The following RAD18 variants were observed in gnomAD, a reference collection of about 807,000 sequenced individuals.
RAD18 encodes E3 ubiquitin-protein ligase RAD18.
RAD18 carries 47 observed loss-of-function variants against 60.4 expected under a neutral mutation model. That is an observed-to-expected ratio of 0.78 (90% CI 0.62 to 0.99). The LOEUF (loss-of-function observed/expected upper bound fraction) is 0.99. Among genes scored for constraint, RAD18 ranks in the 50% least tolerant of loss-of-function variants. The probability of loss-of-function intolerance (pLI) is 0.00; values close to 1 mark genes in which losing one functional copy is unlikely to be tolerated. For synonymous variants in RAD18, 225 were observed against 195.5 expected, an observed-to-expected ratio of 1.15 and a Z score of -1.26; for missense variants, 640 against 593.3, an observed-to-expected ratio of 1.08 and a Z score of -0.82.
intron 7 of RAD18, among the ~76,000 whole-genome samples, chr3:8,920,565 AG>A (rs1400167922): frequency 3.9e-5 from 6 of 152,242 alleles, no homozygotes; most frequent in Non-Finnish European, 8.8e-5. Flanking sequence ...AGTATAAACC[AG>A]AGAGAAACTG....
intron 4 of RAD18, 135 bp from the exon 5 acceptor site, chr3:8,941,939 A>G (rs1940754558): frequency 1.3e-6 from 1 of 747,954 alleles, no homozygotes; most frequent in Non-Finnish European, 2.1e-6. Flanking sequence ...ACCAAACCAA[A>G]GTTTCTTCTA....
intron 11 of RAD18, among the ~76,000 whole-genome samples, chr3:8,890,851 C>G (rs1246719026): frequency 1.3e-5 from 2 of 152,088 alleles, no homozygotes; most frequent in African/African-American, 4.8e-5. Context: ...GCTGTTTTAA[C>G]CCAACCTTTT....
chr3:8,885,259 AT>A (rs1212852920), intron 12 of RAD18, among the ~76,000 whole-genome samples: 1 of 152,076 alleles, frequency 6.6e-6, no homozygotes, highest in Non-Finnish European at 1.5e-5. Flanking sequence ...CCTTTTATTC[AT>A]TTTTTTAAAG....
chr3:8,902,633 T>C, intron 9 of RAD18, 113 bp from the exon 10 acceptor site: 1 of 1,095,702 alleles, frequency 9.1e-7, no homozygotes, highest in Non-Finnish European at 1.3e-6. Flanking sequence ...GGCTTACGCC[T>C]GTAATCCCAG....
chr3:8,924,516 T>C (rs1410408922), intron 7 of RAD18, among the ~76,000 whole-genome samples: 1 of 141,186 alleles, frequency 7.1e-6, no homozygotes, highest in African/African-American at 2.6e-5. Context: ...GACAGAAAGT[T>C]AACAAGGATA....
chr3:8,962,168 A>G (rs1052360321), intron 1 of RAD18, among the ~76,000 whole-genome samples: 2 of 152,178 alleles, frequency 1.3e-5, no homozygotes, highest in African/African-American at 4.8e-5. Context: ...ATGAACTGTT[A>G]TTTTTGTCTC....
At position 8,941,792 on chromosome 3, in the gene RAD18, C is replaced by T; in HGVS notation, c.279G>A (p.Leu93=). ...TGGCTGGTGACTCTAAAGCAAACTG[C>T]AGCAGATGATTCCTTGAAGCACAAA... The part of the protein sequence containing the change: ...KSLNFARNHL[L]QFALESPAKS... Residue 93 remains leucine (L), a synonymous_variant, in exon 5 of 13, where the codon CTG becomes CTA. Transcript: ENST00000264926. The T allele has an allele frequency of 6.2e-7, 1 of 1,610,710 alleles. No homozygotes were observed. Among genetic ancestry groups the T allele is most frequent in the Non-Finnish European group, 8.5e-7 (1 of 1,178,004 alleles).
chr3:8,919,160 A>G (rs901536652), intron 7 of RAD18, among the ~76,000 whole-genome samples: 1 of 152,216 alleles, frequency 6.6e-6, no homozygotes, highest in Non-Finnish European at 1.5e-5. Flanking sequence ...GTAGACCAAA[A>G]TAACATTTCA....
chr3:8,882,334 C>T (rs572962320), intron 12 of RAD18, among the ~76,000 whole-genome samples: 3 of 152,298 alleles, frequency 2.0e-5, no homozygotes, highest in African/African-American at 7.2e-5. Flanking sequence ...CAAAGATTCA[C>T]TGCTGCAGGG....
chr3:8,948,368 G>A, intron 3 of RAD18, 141 bp downstream of exon 3: 2 of 659,012 alleles, frequency 3.0e-6, no homozygotes, highest in Admixed American at 5.5e-5. Flanking sequence ...GTACTTTAGA[G>A]GTCCTTTCTG....
In RAD18 at chr3:8,963,436, C is replaced by G. The variant is rs769336740; in HGVS notation, c.-51G>C. ...CAGCCACCCACTAGCCTCCGGCGCTCCAACACCACTCGAAATTCCCCGCGC... is the reference window on the plus strand; with the variant it reads ...CAGCCACCCACTAGCCTCCGGCGCTGCAACACCACTCGAAATTCCCCGCGC... On this transcript the variant is annotated 5_prime_UTR_variant, in exon 1 of 13. Transcript: ENST00000264926. 1.1e-5 allele frequency: 17 copies of G among 1,494,748 alleles called. No homozygotes were observed. Among genetic ancestry groups the G allele is most frequent in the Non-Finnish European group, 1.6e-5 (17 of 1,096,726 alleles). 92.6% of individuals were successfully genotyped at this position (1,494,748 alleles called of 1,614,324 possible).
intron 9 of RAD18, among the ~76,000 whole-genome samples, chr3:8,904,538 A>G (rs1335736562): frequency 6.6e-6 from 1 of 152,216 alleles, no homozygotes; most frequent in East Asian, 1.9e-4. Context: ...AGCAAAAGAA[A>G]TATATGCTGG....
chr3:8,882,772 G>T (rs569135481), intron 12 of RAD18, among the ~76,000 whole-genome samples: 1 of 152,324 alleles, frequency 6.6e-6, no homozygotes, highest in Non-Finnish European at 1.5e-5. Flanking sequence ...GTAACTTGAA[G>T]TGGATGCACT....
intron 2 of RAD18, among the ~76,000 whole-genome samples, chr3:8,949,180 C>A (rs1940888461): frequency 1.3e-5 from 2 of 152,216 alleles, no homozygotes; most frequent in African/African-American, 4.8e-5. Flanking sequence ...AAATTCACCA[C>A]ACTCAAGGCA....
chr3:8,948,946 G>GA (rs1314851080), intron 2 of RAD18, among the ~76,000 whole-genome samples: 1 of 152,030 alleles, frequency 6.6e-6, no homozygotes, highest in East Asian at 1.9e-4. Flanking sequence ...CACATATTAA[G>GA]AAAAAATATA....
Position 8,898,990 on chromosome 3 carries a change from G to C in RAD18, c.1226C>G (p.Ser409Cys). The change falls in exon 11 of 13, where the codon TCC (serine) becomes TGC (cysteine). Residue 409 changes from serine (S) to cysteine (C), a missense_variant. Physicochemically the swap from Ser to Cys is moderately radical, Grantham distance 112. Transcript: ENST00000264926. ...TCTGTCAGGTTCCAATTCCTCTGGG[G>C]AGTCCAGCTTTGATTGAGAAAAGTG... ...TNHFSQSKLD[S>C]PEELEPDREE... The C allele has an allele frequency of 1.2e-6, 2 of 1,609,946 alleles. No individual in the cohort carries two copies. The highest frequency in any genetic ancestry group is 1.7e-6 in the Non-Finnish European group (2 of 1,177,336).
At chr3:8,903,618 T>C (rs17049733) in intron 9 of RAD18, among the ~76,000 whole-genome samples, 18,085 of 152,198 alleles carry the variant, frequency 0.12, 1,211 homozygotes, top group East Asian at 0.24. Flanking sequence ...TACCAATCTG[T>C]TCAATAAAGA....
At position 8,913,659 on chromosome 3, in the gene RAD18, A is replaced by G. The variant is rs538238448; in HGVS notation, c.951T>C (p.Ser317=). 1.9e-6 allele frequency: 3 copies of G among 1,566,886 alleles called. No homozygotes were observed. The highest frequency in any genetic ancestry group is 2.7e-5 in the African/African-American group (2 of 72,802). The change falls in exon 8 of 13, where the codon AGT becomes AGC. Residue 317 remains serine (S), a synonymous_variant. Transcript: ENST00000264926. ...IEKTRMRLEA[S]KLNESVMVFT... The stretch of plus-strand genomic sequence containing the variant: ...ATTAACATACACTTTCATTGAGTTT[A>G]CTAGCTTCAAGACGCATCCTAGTCT...
intron 10 of RAD18, 53 bp from the exon 11 acceptor site, chr3:8,899,100 T>C (rs1939856314): frequency 3.6e-6 from 5 of 1,398,546 alleles, no homozygotes; most frequent in Non-Finnish European, 3.9e-6. Context: ...TCTGTATGCC[T>C]ATTACTTCTG....
Sources: gnomAD v4.1 joint callset for allele counts (sites outside exome capture counted in the v4.1 genomes callset) on GRCh38, gnomAD v4.1.1 for gene constraint, MANE v1.5 for transcripts, NCBI Gene and HGNC (gene_info 2026-07-23, HGNC 2026-07-21) for gene names.